Variants in PTPRO observed in about 807,000 individuals in gnomAD.
PTPRO encodes receptor-type tyrosine-protein phosphatase O.
A neutral mutation model predicts 145.2 loss-of-function variants in PTPRO; 62 were observed. The observed-to-expected ratio is 0.43, with a 90% CI of 0.35 to 0.53. The LOEUF (loss-of-function observed/expected upper bound fraction) is 0.53, where lower values mean the gene tolerates loss of function less well. Ranked by LOEUF, PTPRO falls within the 20% of genes least tolerant of loss-of-function variation. The pLI is 0.01. For synonymous variants in PTPRO, 565 were observed against 514.7 expected (o/e 1.10, Z -1.32); for missense variants, 1,345 against 1,482.7 (o/e 0.91, Z 1.53).
At chr12:15,379,470 G>A (rs1051445868) in intron 1 of PTPRO, among the ~76,000 whole-genome samples, 4 of 143,912 alleles carry the variant, frequency 2.8e-5, no homozygotes, top group Non-Finnish European at 4.5e-5. Flanking sequence ...GGTGGAGATT[G>A]CAGTGAGCCC....
intron 10 of PTPRO, among the ~76,000 whole-genome samples, chr12:15,520,979 C>A (rs1425981251): frequency 6.6e-6 from 1 of 152,064 alleles, no homozygotes; most frequent in Non-Finnish European, 1.5e-5. Flanking sequence ...AGTCTTAGAT[C>A]CTCGGAAACC....
intron 12 of PTPRO, among the ~76,000 whole-genome samples, chr12:15,536,539 C>G (rs1415890302): frequency 6.6e-6 from 1 of 152,158 alleles, no homozygotes; most frequent in Non-Finnish European, 1.5e-5. Flanking sequence ...AGCAAGGGAA[C>G]AGACCGTGTA....
At chr12:15,445,428 G>A (rs374576843) in intron 1 of PTPRO, among the ~76,000 whole-genome samples, 29 of 152,090 alleles carry the variant, frequency 1.9e-4, no homozygotes, top group Non-Finnish European at 2.4e-4. Context: ...AATAAAGTAC[G>A]TAGCCTTAGA....
At chr12:15,581,885 G>A (rs534852166) in intron 23 of PTPRO, 84 bp downstream of exon 23, 79 of 1,554,654 alleles carry the variant, frequency 5.1e-5, no homozygotes, top group South Asian at 2.8e-4. Context: ...CTAACCCAGC[G>A]GCGCTAGAGG....
chr12:15,527,879 G>A (rs1591689429), intron 12 of PTPRO, among the ~76,000 whole-genome samples: 1 of 117,382 alleles, frequency 8.5e-6, no homozygotes, highest in Non-Finnish European at 1.8e-5. Context: ...ACTGTGACCC[G>A]CCCACGCTAC....
At chr12:15,567,703 G>C (rs1943935966) in intron 18 of PTPRO, among the ~76,000 whole-genome samples, 2 of 152,140 alleles carry the variant, frequency 1.3e-5, no homozygotes, top group Admixed American at 6.5e-5. Context: ...TTCATTCCAG[G>C]AGAGGAGTCC....
At chr12:15,578,772 T>C in intron 19 of PTPRO, 81 bp from the exon 20 acceptor site, 3 of 1,048,060 alleles carry the variant, frequency 2.9e-6, no homozygotes, top group Non-Finnish European at 4.2e-6. Flanking sequence ...AGCAAAGGGC[T>C]TGTGAGCAAT....
intron 14 of PTPRO, among the ~76,000 whole-genome samples, chr12:15,550,508 C>T (rs1337366812): frequency 6.6e-6 from 1 of 152,126 alleles, no homozygotes; most frequent in African/African-American, 2.4e-5. Context: ...TTGTCAGCTC[C>T]ATGACAATGT....
chr12:15,463,157 G>T (rs1039933306), intron 1 of PTPRO, among the ~76,000 whole-genome samples: 28 of 152,060 alleles, frequency 1.8e-4, no homozygotes, highest in African/African-American at 5.8e-4. Flanking sequence ...ATAAATCCTG[G>T]ATACTTATGA....
intron 12 of PTPRO, among the ~76,000 whole-genome samples, chr12:15,527,107 C>A (rs1251694106): frequency 6.6e-6 from 1 of 152,086 alleles, no homozygotes; most frequent in Non-Finnish European, 1.5e-5. Context: ...TCCCCTCTAC[C>A]CAACAGAAAA....
chr12:15,594,640 T>C (rs1466059583), intron 25 of PTPRO, among the ~76,000 whole-genome samples: 2 of 152,080 alleles, frequency 1.3e-5, no homozygotes, highest in Non-Finnish European at 2.9e-5. Context: ...TATATGTATA[T>C]CAAGTCATCA....
chr12:15,592,766 T>A (rs1253962225), intron 25 of PTPRO, among the ~76,000 whole-genome samples: 1 of 152,230 alleles, frequency 6.6e-6, no homozygotes, highest in Non-Finnish European at 1.5e-5. Context: ...TGGGAAATAA[T>A]ATAACCTAGA....
At chr12:15,462,606 C>A (rs1941330410) in intron 1 of PTPRO, among the ~76,000 whole-genome samples, 1 of 152,104 alleles carries the variant, frequency 6.6e-6, no homozygotes, top group Admixed American at 6.6e-5. Context: ...TAGATAATAC[C>A]AAGTAAGCAC....
intron 12 of PTPRO, among the ~76,000 whole-genome samples, chr12:15,528,161 C>T (rs542264199): frequency 1.3e-5 from 2 of 151,772 alleles, no homozygotes; most frequent in East Asian, 1.9e-4. Flanking sequence ...TCTGAAAATA[C>T]ACCATTGGAG....
chr12:15,593,333 A>T (rs774810294), intron 25 of PTPRO, among the ~76,000 whole-genome samples: 2 of 152,226 alleles, frequency 1.3e-5, no homozygotes, highest in Non-Finnish European at 2.9e-5. Flanking sequence ...ACCGGATCTC[A>T]TTTAAATGTT....
chr12:15,336,917 T>A (rs557172042), intron 1 of PTPRO, among the ~76,000 whole-genome samples: 1 of 152,344 alleles, frequency 6.6e-6, no homozygotes, highest in South Asian at 2.1e-4. Context: ...GGTGAACACC[T>A]GACCTAAGCC....
intron 1 of PTPRO, among the ~76,000 whole-genome samples, chr12:15,434,894 G>T (rs1397934176): frequency 6.6e-6 from 1 of 152,156 alleles, no homozygotes; most frequent in Non-Finnish European, 1.5e-5. Context: ...TAATAATTTT[G>T]CCCTTTTGGT....
intron 1 of PTPRO, among the ~76,000 whole-genome samples, chr12:15,433,177 T>C (rs1398884139): frequency 1.3e-5 from 2 of 148,310 alleles, no homozygotes; most frequent in South Asian, 2.1e-4. Context: ...GGGGCTTTTT[T>C]TTTTTTTTTT....
rs1399865964 is a variant in PTPRO, at chr12:15,508,557, T to C, written c.1268-14T>C. The C allele has an allele frequency of 6.2e-7, 1 of 1,613,332 alleles. No individual in the cohort carries two copies. Among genetic ancestry groups the C allele is most frequent in the African/African-American group, 1.3e-5 (1 of 74,906 alleles). On this transcript the variant is annotated splice_polypyrimidine_tract_variant and intron_variant, in intron 6 of 26. Transcript: ENST00000281171. The stretch of plus-strand genomic sequence containing the variant: ...ACGTGCAGCCTCCCCTGTGTTCCAA[T>C]TTGAAATGTGCAGGTCCTTCAGGAG...
Sources: gnomAD v4.1 joint callset for allele counts (sites outside exome capture counted in the v4.1 genomes callset) on GRCh38, gnomAD v4.1.1 for gene constraint, MANE v1.5 for transcripts, NCBI Gene and HGNC (gene_info 2026-07-23, HGNC 2026-07-21) for gene names.